The following DNMT3A variants were observed in gnomAD, a reference collection of about 807,000 sequenced individuals.
DNMT3A encodes the protein DNA (cytosine-5)-methyltransferase 3A.
Under a neutral mutation model 117.6 loss-of-function variants are expected in DNMT3A, and 267 were observed. The observed-to-expected ratio is 2.27, with a 90% CI of 2.05 to 2.51. The LOEUF (loss-of-function observed/expected upper bound fraction) is 2.51, where lower values mean the gene tolerates loss of function less well. Among genes scored for constraint, DNMT3A ranks in the 30% most tolerant of loss-of-function variants. The pLI is 0.00. For synonymous variants in DNMT3A, 432 were observed against 474.8 expected (o/e 0.91, Z 1.17); for missense variants, 1,029 against 1,260.2 (o/e 0.82, Z 2.78).
Position 25,244,299 on chromosome 2 carries a change from C to G in DNMT3A, c.1707G>C (p.Pro569=). ...CCTTAATGGCTGCCTGGGCAGCCCCCGGCCCCACCAAGAGGTCCACACACT... is the reference window on the plus strand; with the variant it reads ...CCTTAATGGCTGCCTGGGCAGCCCCGGGCCCCACCAAGAGGTCCACACACT... ...CVECVDLLVG[P]GAAQAAIKED... is the part of the protein sequence containing the mutation. Residue 569 remains proline (P), a synonymous_variant, in exon 15 of 23, where the codon CCG becomes CCC. Transcript: ENST00000321117. 6.2e-7 allele frequency: 1 copy of G among 1,610,810 alleles called. No homozygotes were observed. Among genetic ancestry groups the G allele is most frequent in the South Asian group, 1.1e-5 (1 of 90,702 alleles).
intron 3 of DNMT3A, among the ~76,000 whole-genome samples, chr2:25,290,344 G>A (rs191804057): frequency 0.011 from 1,284 of 121,716 alleles, 36 homozygotes; most frequent in Admixed American, 0.037. Flanking sequence ...TTTTTGAGAC[G>A]CAGTCTCACT....
chr2:25,300,051 C>T, intron 3 of DNMT3A, 88 bp downstream of exon 3: 1 of 1,402,814 alleles, frequency 7.1e-7, no homozygotes, highest in Non-Finnish European at 9.7e-7. Flanking sequence ...CTCCAGGTCC[C>T]TGCAGGACAT....
chr2:25,258,026 T>G (rs1045165091), intron 6 of DNMT3A, among the ~76,000 whole-genome samples: 1 of 152,202 alleles, frequency 6.6e-6, no homozygotes, highest in East Asian at 1.9e-4. Context: ...TCTGGGCCTT[T>G]CCCACCTGCT....
At chr2:25,301,473 T>G (rs1330776083) in intron 2 of DNMT3A, among the ~76,000 whole-genome samples, 1 of 152,088 alleles carries the variant, frequency 6.6e-6, no homozygotes, top group Non-Finnish European at 1.5e-5. Flanking sequence ...TCTCCATCTC[T>G]TGCATTCACC....
In DNMT3A at chr2:25,252,061, G is replaced by A; in HGVS notation, c.640-3809C>T. The A allele has an allele frequency of 1.6e-6, 2 of 1,217,826 alleles. No homozygotes were observed. The highest frequency in any genetic ancestry group is 5.0e-5 in the Admixed American group (2 of 40,184). 75.4% of individuals were successfully genotyped at this position (1,217,826 alleles called of 1,614,324 possible). Reference sequence around the variant, plus strand: ...GCATCTCCAGAACTCGGGCCAGGCCGGGACGCCGCGGCTGCTGCGGGCCGG... The same window carrying A: ...GCATCTCCAGAACTCGGGCCAGGCCAGGACGCCGCGGCTGCTGCGGGCCGG... On this transcript the variant is annotated intron_variant, in intron 6 of 22. Transcript: ENST00000321117. The surrounding 1 kb of genome is among the most constrained non-coding windows in gnomAD (Gnocchi z 5.5).
chr2:25,245,536 A>G (rs1418594966), intron 12 of DNMT3A, among the ~76,000 whole-genome samples: 1 of 152,230 alleles, frequency 6.6e-6, no homozygotes, highest in Admixed American at 6.5e-5. Context: ...GCCACCATCC[A>G]CAAACAGGGA....
chr2:25,240,560 C>A (rs1279609450), intron 18 of DNMT3A, 80 bp downstream of exon 18: 1 of 1,598,952 alleles, frequency 6.3e-7, no homozygotes, highest in Non-Finnish European at 8.5e-7. Context: ...AATAGCTGTC[C>A]CAGGGCAGAA....
intron 1 of DNMT3A, among the ~76,000 whole-genome samples, chr2:25,332,417 C>T (rs756091015): frequency 4.6e-5 from 7 of 152,366 alleles, no homozygotes; most frequent in Non-Finnish European, 7.3e-5. Flanking sequence ...AATCCCTGGA[C>T]ATGGTGTGCC....
chr2:25,288,972 C>T lies in DNMT3A; in HGVS notation c.178-6261G>A, dbSNP rs117180533. On this transcript the variant is annotated intron_variant, in intron 3 of 22. Transcript: ENST00000321117. ...GGTGAACCCACCGCAGCTGTCACTC[C>T]TGTCCCAGCCAATGCATGCCACGTT... 3.3e-4 allele frequency among the ~76,000 whole-genome samples: 51 copies of T among 152,340 alleles called. No homozygotes were observed. The East Asian group carries it at 8.1e-3, about 24-fold the overall frequency.
intron 6 of DNMT3A, among the ~76,000 whole-genome samples, chr2:25,248,995 T>C (rs1333719317): frequency 6.6e-6 from 1 of 152,256 alleles, no homozygotes; most frequent in African/African-American, 2.4e-5. Flanking sequence ...TTATACCGTA[T>C]ATCTCCTAAT....
intron 6 of DNMT3A, among the ~76,000 whole-genome samples, chr2:25,271,824 C>T (rs1026716824): frequency 2.6e-5 from 4 of 152,102 alleles, no homozygotes; most frequent in Admixed American, 6.5e-5. Flanking sequence ...CTAATAATGC[C>T]CACTGCTACC....
At position 25,234,629 on chromosome 2, in the gene DNMT3A, C is replaced by G. The variant is rs1029268019; in HGVS notation, c.2598-209G>C. Among the ~76,000 whole-genome samples the G allele has an allele frequency of 2.0e-5, 3 of 152,190 alleles. No individual in the cohort carries two copies. The highest frequency in any genetic ancestry group is 7.2e-5 in the African/African-American group (3 of 41,446). ...AACAACCCGGCACTCAGATCACCAA[C>G]CATGTGCCAGGCACTGTGCTGGTTT... is the stretch of plus-strand genomic sequence containing the variant. On this transcript the variant is annotated intron_variant, in intron 22 of 22. Transcript: ENST00000321117. This position sits in a 1 kb window ranked among gnomAD's most constrained non-coding sequence, Gnocchi z 4.5.
intron 2 of DNMT3A, among the ~76,000 whole-genome samples, chr2:25,308,820 G>C (rs981658733): frequency 6.6e-6 from 1 of 152,176 alleles, no homozygotes; most frequent in Non-Finnish European, 1.5e-5. Context: ...GGAACTGGCA[G>C]GGACCCCACC....
rs985457816 is a variant in DNMT3A at position 25,252,680 on chromosome 2, G to A, written c.640-4428C>T. On this transcript the variant is annotated intron_variant, in intron 6 of 22. Transcript: ENST00000321117. This position sits in a 1 kb window ranked among gnomAD's most constrained non-coding sequence, Gnocchi z 5.5. ...CGAGCCGCCTGCCCGGAGGGAGCCGGGGGTCCGGGCGAAAGCAAGCCGGAG... is the reference window on the plus strand; with the variant it reads ...CGAGCCGCCTGCCCGGAGGGAGCCGAGGGTCCGGGCGAAAGCAAGCCGGAG... Among the ~76,000 whole-genome samples the A allele has an allele frequency of 4.5e-4, 68 of 152,296 alleles. No homozygotes were observed. The highest frequency in any genetic ancestry group is 5.3e-4 in the Non-Finnish European group (36 of 68,008).
chr2:25,336,555 G>A (rs2035224051), intron 1 of DNMT3A, among the ~76,000 whole-genome samples: 1 of 152,064 alleles, frequency 6.6e-6, no homozygotes, highest in Admixed American at 6.5e-5. Flanking sequence ...GAGCTCTTAA[G>A]CTCTGGTCTA....
rs766854284 is a variant in DNMT3A at position 25,240,422 on chromosome 2, G to T, written c.2202C>A (p.Phe734Leu). 3.1e-6 allele frequency: 5 copies of T among 1,612,106 alleles called. No homozygotes were observed. The highest frequency in any genetic ancestry group is 2.5e-6 in the Non-Finnish European group (3 of 1,179,092). ...GCCGCGCATCATGCAGGAGGCGGTA[G>T]AACTCAAAGAAGAGCCGGCCAGTGC... ...YEGTGRLFFE[F>L]YRLLHDARPK... The change falls in exon 19 of 23, where the codon TTC (phenylalanine) becomes TTA (leucine). Residue 734 changes from phenylalanine (F) to leucine (L), a missense_variant. By Grantham distance (22) the Phe-to-Leu change is conservative (BLOSUM62 0). Transcript: ENST00000321117.
At chr2:25,271,051 A>C (rs1456183628) in intron 6 of DNMT3A, among the ~76,000 whole-genome samples, 1 of 151,856 alleles carries the variant, frequency 6.6e-6, no homozygotes, top group African/African-American at 2.4e-5. Flanking sequence ...AAAAACAAAA[A>C]CAGGCCTGAT....
chr2:25,338,451 T>C (rs2035290293), intron 1 of DNMT3A, among the ~76,000 whole-genome samples: 1 of 152,156 alleles, frequency 6.6e-6, no homozygotes, highest in Admixed American at 6.5e-5. Flanking sequence ...CTTGGGTCTT[T>C]CAGGGAGGTG....
chr2:25,275,689 G>A (rs1351308783), intron 4 of DNMT3A, 146 bp from the exon 5 acceptor site: 4 of 850,904 alleles, frequency 4.7e-6, no homozygotes, highest in Non-Finnish European at 7.1e-6. Context: ...TAAATATGAT[G>A]GCCCACCACA....
Sources: gnomAD v4.1 joint callset for allele counts (sites outside exome capture counted in the v4.1 genomes callset) on GRCh38, gnomAD v4.1.1 for gene constraint, Gnocchi (gnomAD v3.1) non-coding constraint, MANE v1.5 for transcripts, NCBI Gene and HGNC (gene_info 2026-07-23, HGNC 2026-07-21) for gene names.